PIAS2: variants seen among roughly 807,000 people sequenced by gnomAD.
The protein encoded by PIAS2 is E3 SUMO-protein ligase PIAS2.
PIAS2 carries 19 observed loss-of-function variants against 69.7 expected under a neutral mutation model. The observed-to-expected ratio is 0.27, with a 90% CI of 0.19 to 0.40. PIAS2 has a LOEUF of 0.40. Ranked by LOEUF, PIAS2 falls within the 10% of genes least tolerant of loss-of-function variation. The probability of loss-of-function intolerance (pLI) is 1.00; values close to 1 mark genes in which losing one functional copy is unlikely to be tolerated. For synonymous variants in PIAS2, 261 were observed against 263.2 expected, an observed-to-expected ratio of 0.99 and a Z score of 0.08; for missense variants, 624 against 757.0, an observed-to-expected ratio of 0.82 and a Z score of 2.06.
chr18:46,867,107 A>G (rs1191483113), intron 2 of PIAS2, among the ~76,000 whole-genome samples: 1 of 152,176 alleles, frequency 6.6e-6, no homozygotes, highest in Non-Finnish European at 1.5e-5. Flanking sequence ...TGTACAATTT[A>G]TAGAACTGGC....
chr18:46,918,857 ACCCACAT>A (rs1213338020), upstream of PIAS2, among the ~76,000 whole-genome samples: 1 of 151,678 alleles, frequency 6.6e-6, no homozygotes, highest in Admixed American at 6.6e-5. Flanking sequence ...ACCATCCCTC[ACCCACAT>A]CCCACATTTT....
Position 46,890,859 on chromosome 18 carries a change from C to T in PIAS2, c.220G>A (p.Asp74Asn). 6.2e-7 allele frequency: 1 copy of T among 1,614,188 alleles called. No homozygotes were observed. The highest frequency in any genetic ancestry group is 8.5e-7 in the Non-Finnish European group (1 of 1,180,042). Residue 74 changes from aspartate to asparagine, a missense_variant, in exon 2 of 14, where the codon GAT (aspartate) becomes AAT (asparagine). Asp to Asn is a conservative substitution (Grantham distance 23, BLOSUM62 1). Transcript: ENST00000585916. ...RYPRTLEGLS[D>N]LSTIKSSVFS... The stretch of plus-strand genomic sequence containing the variant: ...ACCGATGATTTGATTGTGGATAAAT[C>T]AGAAAGTCCTTCAAGAGTTCGTGGA...
rs2071595561 is a variant in PIAS2 at position 46,890,708 on chromosome 18, T to C, written c.371A>G (p.Gln124Arg). Residue 124 changes from glutamine (Q) to arginine (R), a missense_variant, in exon 2 of 14, where the codon CAA becomes CGA. By Grantham distance (43) the Gln-to-Arg change is conservative. Transcript: ENST00000585916. ...CATCTCAAATGTGGGCTTAGTATCTTGAAGCAGCACAGAACCAACAGGAGA... is the reference window on the plus strand; with the variant it reads ...CATCTCAAATGTGGGCTTAGTATCTCGAAGCAGCACAGAACCAACAGGAGA... ...PSSPVGSVLL[Q>R]DTKPTFEMQQ... 1 of 1,614,098 alleles carries C rather than the reference T, an allele frequency of 6.2e-7. No homozygotes were observed. The highest frequency in any genetic ancestry group is 1.3e-5 in the African/African-American group (1 of 75,040).
intron 1 of PIAS2, among the ~76,000 whole-genome samples, chr18:46,894,955 C>T (rs1820459580): frequency 6.6e-6 from 1 of 151,872 alleles, no homozygotes; most frequent in South Asian, 2.1e-4. Context: ...TGCCTGTAAT[C>T]CCAGCTACTC....
chr18:46,894,862 G>T (rs890303470), intron 1 of PIAS2, among the ~76,000 whole-genome samples: 116 of 151,948 alleles, frequency 7.6e-4, no homozygotes, highest in African/African-American at 2.7e-3. Flanking sequence ...CTTGAGGTCA[G>T]GAGTTTGAGA....
chr18:46,839,898 C>T (rs1392516342), intron 8 of PIAS2, among the ~76,000 whole-genome samples: 3 of 150,854 alleles, frequency 2.0e-5, no homozygotes, highest in Non-Finnish European at 4.4e-5. Flanking sequence ...CACAGTGGCT[C>T]ACACGTGTAA....
chr18:46,888,599 C>T (rs572709625), intron 2 of PIAS2, among the ~76,000 whole-genome samples: 19 of 152,312 alleles, frequency 1.2e-4, no homozygotes, highest in Non-Finnish European at 2.2e-4. Flanking sequence ...GGACCAGTTT[C>T]ATGGCAGACA....
At chr18:46,862,515 AATC>A (rs1240886625) in intron 3 of PIAS2, among the ~76,000 whole-genome samples, 1 of 152,074 alleles carries the variant, frequency 6.6e-6, no homozygotes, top group East Asian at 1.9e-4. Flanking sequence ...GCCCCCCAAA[AATC>A]ATTAACCTCC....
chr18:46,917,439 A>T lies in PIAS2; in HGVS notation c.-94T>A, dbSNP rs2058110538. 1 of 1,345,692 alleles carries T rather than the reference A, an allele frequency of 7.4e-7. No homozygotes were observed. Among genetic ancestry groups the T allele is most frequent in the South Asian group, 1.8e-5 (1 of 55,490 alleles). 83.4% of individuals were successfully genotyped at this position (1,345,692 alleles called of 1,614,324 possible). On this transcript the variant is annotated 5_prime_UTR_variant, in exon 1 of 14. Transcript: ENST00000585916. ...CGCCACCACGGCCGCCGCCGCCTCC[A>T]GCACCATCCTGCACTGGGCGCCGCT...
chr18:46,899,310 T>C (rs1179612397), intron 1 of PIAS2, among the ~76,000 whole-genome samples: 1 of 152,172 alleles, frequency 6.6e-6, no homozygotes, highest in Non-Finnish European at 1.5e-5. Context: ...AATAAGTAAC[T>C]GAAGCAGGAG....
chr18:46,816,650 T>C (rs908781140), intron 12 of PIAS2: 2 of 258,544 alleles, frequency 7.7e-6, no homozygotes, highest in African/African-American at 2.3e-5. Flanking sequence ...TTTTTTTTTG[T>C]AGAGAGAGGG....
chr18:46,875,449 T>C (rs1037026871), intron 2 of PIAS2, among the ~76,000 whole-genome samples: 2 of 152,178 alleles, frequency 1.3e-5, no homozygotes, highest in African/African-American at 4.8e-5. Context: ...CCCCAAACAA[T>C]GGCCCAAGAA....
rs1463492516 is a variant in PIAS2 at position 46,803,766 on chromosome 18, G to C, written c.*8667C>G. On this transcript the variant is annotated 3_prime_UTR_variant, in exon 14 of 14. Transcript: ENST00000585916. ...AAGGTGGTCCTCAGTACATAACCTA[G>C]AGTAGATCATATGAAGAATTTCTCC... The C allele has an allele frequency of 3.9e-5, 6 of 152,174 alleles. No individual in the cohort carries two copies. The highest frequency in any genetic ancestry group is 6.5e-5 in the Admixed American group (1 of 15,278). 9.4% of individuals were successfully genotyped at this position (152,174 alleles called of 1,614,324 possible). A position where few individuals can be genotyped will look rare whatever the true frequency, so the allele number is the denominator to read the frequency against.
chr18:46,804,530 C>G lies in PIAS2; in HGVS notation c.*7903G>C, dbSNP rs538266428. On this transcript the variant is annotated 3_prime_UTR_variant, in exon 14 of 14. Transcript: ENST00000585916. ...ATGAAAACTCTTCAATGTCTCATCA[C>G]TGTTTTACAAGGCCCTTCACGATCT... 3 of 152,238 alleles carry G rather than the reference C, an allele frequency of 2.0e-5. No homozygotes were observed. The highest frequency in any genetic ancestry group is 2.9e-5 in the Non-Finnish European group (2 of 68,044). 9.4% of individuals were successfully genotyped at this position (152,238 alleles called of 1,614,324 possible).
chr18:46,883,786 G>A (rs1319520059), intron 2 of PIAS2, among the ~76,000 whole-genome samples: 1 of 152,152 alleles, frequency 6.6e-6, no homozygotes, highest in Non-Finnish European at 1.5e-5. Flanking sequence ...AGGCTGAAGT[G>A]AGCCAAGATT....
intron 1 of PIAS2, among the ~76,000 whole-genome samples, chr18:46,910,938 G>A (rs1265743138): frequency 2.0e-5 from 3 of 152,094 alleles, no homozygotes; most frequent in Non-Finnish European, 4.4e-5. Flanking sequence ...ACTATTGAAG[G>A]CTGTATTCCT....
chr18:46,872,409 C>G (rs1455426293), intron 2 of PIAS2, among the ~76,000 whole-genome samples: 4 of 152,242 alleles, frequency 2.6e-5, no homozygotes, highest in Non-Finnish European at 4.4e-5. Flanking sequence ...AATAGATAGT[C>G]TTGCCCCAAG....
At position 46,873,948 on chromosome 18, in the gene PIAS2, C is replaced by CTTAAAAAAA. The variant is rs1196524548; in HGVS notation, c.500-9701_500-9700insTTTTTTTAA. On this transcript the variant is annotated intron_variant, in intron 2 of 13. Coordinates refer to ENST00000585916, the MANE Select transcript of PIAS2 (RefSeq NM_004671.5). Reference sequence around the variant, plus strand: ...AGGAGAAGTTAATAAAAATAGGAGCCAAGGAAAACTCAGAAGGGAAATGGG... The same window carrying CTTAAAAAAA: ...AGGAGAAGTTAATAAAAATAGGAGCCTTAAAAAAAAAGGAAAACTCAGAAGGGAAATGGG... 2.6e-5 allele frequency among the ~76,000 whole-genome samples: 4 copies of CTTAAAAAAA among 152,128 alleles called. No individual in the cohort carries two copies. In the South Asian group the frequency reaches 8.3e-4, roughly 32 times the overall value.
At chr18:46,818,069 T>C in intron 12 of PIAS2, 2 of 993,274 alleles carry the variant, frequency 2.0e-6, no homozygotes, top group East Asian at 9.7e-5. Context: ...GTGTTAACAT[T>C]ATTTTATTAA....
Sources: gnomAD v4.1 joint callset for allele counts (sites outside exome capture counted in the v4.1 genomes callset) on GRCh38, gnomAD v4.1.1 for gene constraint, MANE v1.5 for transcripts, NCBI Gene and HGNC (gene_info 2026-07-23, HGNC 2026-07-21) for gene names.